The following HDAC9 variants were observed in gnomAD, a reference collection of about 807,000 sequenced individuals.
HDAC9 encodes histone deacetylase 9.
Under a neutral mutation model 139.4 loss-of-function variants are expected in HDAC9, and 41 were observed. The observed-to-expected ratio is 0.29, with a 90% CI of 0.23 to 0.38. The LOEUF (loss-of-function observed/expected upper bound fraction) is 0.38. Among genes scored for constraint, HDAC9 ranks in the 10% least tolerant of loss-of-function variants. HDAC9 has a pLI of 1.00. For synonymous variants in HDAC9, 517 were observed against 476.2 expected (o/e 1.09, Z -1.12); for missense variants, 1,147 against 1,297.0 (o/e 0.88, Z 1.78).
At chr7:18,238,020 G>T (rs1793941035) in intron 2 of HDAC9, among the ~76,000 whole-genome samples, 1 of 152,098 alleles carries the variant, frequency 6.6e-6, no homozygotes, top group Non-Finnish European at 1.5e-5. Flanking sequence ...TTTTATTGTG[G>T]TTCCTTCCAT....
chr7:18,398,123 A>G (rs933718859), intron 1 of HDAC9, among the ~76,000 whole-genome samples: 5 of 152,206 alleles, frequency 3.3e-5, no homozygotes, highest in Non-Finnish European at 7.4e-5. Flanking sequence ...TCTAAACCCG[A>G]ATCCTAGAAG....
At chr7:18,351,891 C>T (rs1782874378) in intron 1 of HDAC9, among the ~76,000 whole-genome samples, 1 of 152,080 alleles carries the variant, frequency 6.6e-6, no homozygotes, top group African/African-American at 2.4e-5. Context: ...TCTTAAATCT[C>T]AAAAAATTTG....
intron 12 of HDAC9, among the ~76,000 whole-genome samples, chr7:18,696,854 G>A (rs970777306): frequency 2.0e-5 from 3 of 151,498 alleles, no homozygotes; most frequent in Admixed American, 6.6e-5. Flanking sequence ...ATTTGGTTTG[G>A]CACTTATCAA....
At chr7:18,303,499 G>A (rs184336414) in intron 1 of HDAC9, among the ~76,000 whole-genome samples, 2 of 151,596 alleles carry the variant, frequency 1.3e-5, no homozygotes, top group African/African-American at 4.8e-5. Flanking sequence ...TGCCCACCTC[G>A]GGCTCCCAAA....
At chr7:18,535,382 A>G (rs1810529779) in intron 2 of HDAC9, among the ~76,000 whole-genome samples, 1 of 151,956 alleles carries the variant, frequency 6.6e-6, no homozygotes, top group African/African-American at 2.4e-5. Context: ...TTTTAAGTTC[A>G]TAATACTGGA....
chr7:18,171,905 C>T (rs1788480998), intron 2 of HDAC9, among the ~76,000 whole-genome samples: 2 of 152,080 alleles, frequency 1.3e-5, no homozygotes, highest in African/African-American at 4.8e-5. Flanking sequence ...GTCTAAAATT[C>T]TCTTTTTGTT....
chr7:18,532,628 T>C (rs1809409184), intron 2 of HDAC9, among the ~76,000 whole-genome samples: 1 of 152,120 alleles, frequency 6.6e-6, no homozygotes, highest in Non-Finnish European at 1.5e-5. Flanking sequence ...TCTCTATGAG[T>C]GAACAAGTAA....
chr7:18,356,358 G>GTTTTTTTTTTTTTTTT (rs5882659), intron 1 of HDAC9, among the ~76,000 whole-genome samples: 1 of 55,138 alleles, frequency 1.8e-5, no homozygotes, highest in African/African-American at 7.1e-5. Context: ...CAGCACATAG[G>GTTTTTTTTTTTTTTTT]TTTTTTTTTT....
chr7:18,281,060 C>G (rs1175720596), intron 2 of HDAC9, among the ~76,000 whole-genome samples: 1 of 152,180 alleles, frequency 6.6e-6, no homozygotes, highest in Non-Finnish European at 1.5e-5. Context: ...TGACACTTTA[C>G]TTTTGGGCAG....
chr7:18,900,328 G>T (rs1801584137), intron 22 of HDAC9, among the ~76,000 whole-genome samples: 1 of 152,112 alleles, frequency 6.6e-6, no homozygotes, highest in African/African-American at 2.4e-5. Context: ...TGCTTTCTAA[G>T]CATGAAATGT....
intron 2 of HDAC9, among the ~76,000 whole-genome samples, chr7:18,562,325 ATG>A (rs906219554): frequency 6.6e-6 from 1 of 152,118 alleles, no homozygotes; most frequent in Non-Finnish European, 1.5e-5. Flanking sequence ...AGTCCAATTT[ATG>A]TGTTTTTCTC....
chr7:18,520,433 T>G (rs533343189), intron 2 of HDAC9, among the ~76,000 whole-genome samples: 1 of 152,282 alleles, frequency 6.6e-6, no homozygotes, highest in Admixed American at 6.5e-5. Flanking sequence ...TTCTGAATAA[T>G]TAGAGGCAAC....
At chr7:18,693,278 G>A (rs528499633) in intron 12 of HDAC9, among the ~76,000 whole-genome samples, 1 of 151,996 alleles carries the variant, frequency 6.6e-6, no homozygotes, top group Non-Finnish European at 1.5e-5. Context: ...TTAGCCTATT[G>A]CAATGTTTTT....
At chr7:18,552,021 G>A (rs1817314493) in intron 2 of HDAC9, among the ~76,000 whole-genome samples, 1 of 152,192 alleles carries the variant, frequency 6.6e-6, no homozygotes, top group Non-Finnish European at 1.5e-5. Flanking sequence ...ATGTTATTGT[G>A]GACTTGTGCA....
intron 1 of HDAC9, among the ~76,000 whole-genome samples, chr7:18,160,718 G>A (rs1787569430): frequency 6.6e-6 from 1 of 152,084 alleles, no homozygotes; most frequent in Non-Finnish European, 1.5e-5. Context: ...CCGGGTTCAA[G>A]TGATTCTCCT....
chr7:18,772,836 T>C (rs1189777835), intron 16 of HDAC9, among the ~76,000 whole-genome samples: 1 of 152,124 alleles, frequency 6.6e-6, no homozygotes, highest in Non-Finnish European at 1.5e-5. Flanking sequence ...AAAAAGATTA[T>C]GTTGCCTCAG....
intron 22 of HDAC9, among the ~76,000 whole-genome samples, chr7:18,916,351 A>G (rs541224005): frequency 6.6e-5 from 10 of 152,188 alleles, no homozygotes; most frequent in African/African-American, 2.2e-4. Flanking sequence ...TATCATCTGC[A>G]ATAATTTCTT....
At position 18,936,984 on chromosome 7, in the gene HDAC9, A is replaced by G. The variant is rs115598554; in HGVS notation, c.2937+1042A>G. On this transcript the variant is annotated intron_variant, in intron 23 of 25. Coordinates refer to ENST00000686413, the MANE Select transcript of HDAC9 (RefSeq NM_178425.4). ...TATGTTGTTAATTTGAAGAAAAAAT[A>G]TGAGAGAGAAAACTTAAGCATTGCT... Among the ~76,000 whole-genome samples the G allele has an allele frequency of 3.0e-3, 448 of 150,778 alleles. 2 individuals are homozygous for G. The highest frequency in any genetic ancestry group is 0.011 in the African/African-American group (442 of 41,098).
chr7:18,870,764 C>A (rs996238636), intron 21 of HDAC9, among the ~76,000 whole-genome samples: 3 of 152,130 alleles, frequency 2.0e-5, no homozygotes, highest in African/African-American at 7.2e-5. Flanking sequence ...GCCTCAAACT[C>A]CTAGGCTCAA....
Sources: allele counts gnomAD v4.1 joint callset (sites outside exome capture counted in the v4.1 genomes callset), GRCh38; gene constraint gnomAD v4.1.1; transcripts MANE v1.5; gene names NCBI Gene and HGNC (gene_info 2026-07-23, HGNC 2026-07-21).